The following TCF4 variants were observed in gnomAD, a reference collection of about 807,000 sequenced individuals.
TCF4 encodes the protein transcription factor 4, also known as SL3-3 enhancer factor 2.
Under a neutral mutation model 82.1 loss-of-function variants are expected in TCF4, and 3 were observed. The observed-to-expected ratio is 0.04, with a 90% CI of 0.02 to 0.09. The LOEUF (loss-of-function observed/expected upper bound fraction) is 0.09. Ranked by LOEUF, TCF4 falls within the 10% of genes least tolerant of loss-of-function variation. The pLI, the probability that TCF4 is intolerant of heterozygous loss-of-function variation, is 1.00. For missense variants in TCF4, 518 were observed against 852.7 expected (o/e 0.61, Z 4.89); for synonymous variants, 276 against 309.6 (o/e 0.89, Z 1.14).
chr18:55,591,919 T>C (rs1160572643), upstream of TCF4, among the ~76,000 whole-genome samples: 3 of 152,222 alleles, frequency 2.0e-5, no homozygotes, highest in Non-Finnish European at 4.4e-5. Flanking sequence ...TCGTTGCTTC[T>C]TCGTTTTTTG....
At chr18:55,303,262 C>CAT (rs1420635202) in intron 8 of TCF4, among the ~76,000 whole-genome samples, 2 of 151,134 alleles carry the variant, frequency 1.3e-5, no homozygotes, top group African/African-American at 4.9e-5. Context: ...CACACACACA[C>CAT]ACACACCCCT....
At chr18:55,389,998 T>A (rs1373876094) in intron 6 of TCF4, among the ~76,000 whole-genome samples, 1 of 151,966 alleles carries the variant, frequency 6.6e-6, no homozygotes, top group African/African-American at 2.4e-5. Context: ...GAAGAACTAA[T>A]CCCGACGGAC....
rs765233225 is a variant in TCF4 at position 55,585,314 on chromosome 18, T to C, written c.111A>G (p.Pro37=). The change falls in exon 3 of 20, where the codon CCA becomes CCG. Residue 37 remains proline, a synonymous_variant. Transcript: ENST00000354452. ...SPPVSSGKNG[P]TSLASGHFTG... ...TAAAATGTCCACTTGCCAAAGAAGT[T>C]GGTCCATTTTTCCCACTGCTCACAG... The C allele has an allele frequency of 1.2e-6, 2 of 1,614,092 alleles. No homozygotes were observed. The highest frequency in any genetic ancestry group is 2.2e-5 in the East Asian group (1 of 44,854).
chr18:55,635,787 T>C (rs1292394476), exon 1 of TCF4: 3 of 1,551,290 alleles, frequency 1.9e-6, no homozygotes, highest in Non-Finnish European at 2.6e-6. Flanking sequence ...TAAAAAATGA[T>C]GGCTGGCTTT....
In TCF4 at chr18:55,223,291, G is replaced by C. The variant is rs2046112169; in HGVS notation, c.*4744C>G. ...TCTTCCTTGATCAATCATGTGCTTT[G>C]CTTTTCAATTTGTTTTTGTGATTTT... On this transcript the variant is annotated 3_prime_UTR_variant, in exon 20 of 20. Coordinates refer to ENST00000354452, the MANE Select transcript of TCF4 (RefSeq NM_001083962.2). The C allele has an allele frequency of 6.6e-6, 1 of 152,124 alleles. No individual in the cohort carries two copies. The highest frequency in any genetic ancestry group is 2.4e-5 in the African/African-American group (1 of 41,386). 9.4% of individuals were successfully genotyped at this position (152,124 alleles called of 1,614,324 possible). A position where few individuals can be genotyped will look rare whatever the true frequency, so the allele number is the denominator to read the frequency against.
chr18:55,582,497 T>C (rs2097585173), intron 3 of TCF4, among the ~76,000 whole-genome samples: 1 of 152,118 alleles, frequency 6.6e-6, no homozygotes, highest in East Asian at 1.9e-4. Context: ...GACAAAAGCC[T>C]TTCATGTGAA....
At chr18:55,540,286 C>G (rs960027681) in intron 3 of TCF4, among the ~76,000 whole-genome samples, 15 of 151,868 alleles carry the variant, frequency 9.9e-5, no homozygotes, top group Non-Finnish European at 2.2e-4. Flanking sequence ...TCTGCAGAAC[C>G]CCCAAAACAA....
intron 3 of TCF4, among the ~76,000 whole-genome samples, chr18:55,568,166 G>GA (rs202124716): frequency 0.054 from 5,818 of 107,720 alleles, 325 homozygotes; most frequent in African/African-American, 0.15. Context: ...ACTCTATTTA[G>GA]AAAAAAAAAA....
At chr18:55,359,478 G>C (rs2084508809) in intron 6 of TCF4, among the ~76,000 whole-genome samples, 1 of 152,130 alleles carries the variant, frequency 6.6e-6, no homozygotes, top group Non-Finnish European at 1.5e-5. Flanking sequence ...GATCATCTTT[G>C]TATTCCTGGC....
At chr18:55,488,679 C>G (rs891881013) in intron 3 of TCF4, among the ~76,000 whole-genome samples, 1 of 152,160 alleles carries the variant, frequency 6.6e-6, no homozygotes, top group Non-Finnish European at 1.5e-5. Flanking sequence ...AGAAAGCAAA[C>G]GGCTGTTCAA....
intron 19 of TCF4, 83 bp downstream of exon 19, chr18:55,228,138 T>C (rs2046860471): frequency 6.4e-7 from 1 of 1,553,102 alleles, no homozygotes; most frequent in Non-Finnish European, 8.9e-7. Context: ...ATCTGTCAAT[T>C]TGGGTGAAAT....
chr18:55,513,411 ATG>A (rs1220590433), intron 3 of TCF4, among the ~76,000 whole-genome samples: 7 of 149,918 alleles, frequency 4.7e-5, no homozygotes, highest in Admixed American at 2.0e-4. Context: ...CTCCATATAA[ATG>A]TCTAATTTTG....
chr18:55,336,014 G>C (rs542076861), intron 8 of TCF4, among the ~76,000 whole-genome samples: 1 of 151,570 alleles, frequency 6.6e-6, no homozygotes, highest in South Asian at 2.1e-4. Flanking sequence ...AAAGCCAGTT[G>C]GTCTACTTTT....
At chr18:55,621,970 T>TTATATATTATATATACAC (rs1568501867) in intron 2 of TCF4, among the ~76,000 whole-genome samples, 5 of 126,416 alleles carry the variant, frequency 4.0e-5, no homozygotes, top group African/African-American at 6.2e-5. Context: ...ACACTATATA[T>TTATATATTATATATACAC]TATATATTAT....
chr18:55,416,647 T>C (rs2094535254), intron 5 of TCF4, among the ~76,000 whole-genome samples: 1 of 152,236 alleles, frequency 6.6e-6, no homozygotes, highest in South Asian at 2.1e-4. Context: ...ACGTTACATG[T>C]AGGTCACAAT....
intron 3 of TCF4, among the ~76,000 whole-genome samples, chr18:55,511,446 T>A (rs1424863170): frequency 1.3e-5 from 2 of 151,570 alleles, no homozygotes; most frequent in Non-Finnish European, 2.9e-5. Flanking sequence ...GTATGGGGAA[T>A]TTCACATAGC....
chr18:55,266,139 A>C (rs1040366661), intron 11 of TCF4: 1 of 152,106 alleles, frequency 6.6e-6, no homozygotes, highest in African/African-American at 2.4e-5. Flanking sequence ...CTATGGTAGG[A>C]GGTCCTCTTA....
At chr18:55,423,259 C>T (rs914568977) in intron 5 of TCF4, among the ~76,000 whole-genome samples, 1 of 151,786 alleles carries the variant, frequency 6.6e-6, no homozygotes, top group African/African-American at 2.4e-5. Context: ...GTATTGGCTC[C>T]GTTACAAAAA....
At chr18:55,351,423 G>C (rs994461316) in intron 6 of TCF4, 1 of 213,790 alleles carries the variant, frequency 4.7e-6, no homozygotes, top group East Asian at 1.4e-4. Context: ...TACACTGGGG[G>C]TAAGTGTAGC....
Sources: gnomAD v4.1 joint callset for allele counts (sites outside exome capture counted in the v4.1 genomes callset) on GRCh38, gnomAD v4.1.1 for gene constraint, MANE v1.5 for transcripts, NCBI Gene and HGNC (gene_info 2026-07-23, HGNC 2026-07-21) for gene names.